ITPR1: variants seen among roughly 807,000 people sequenced by gnomAD.
The protein encoded by ITPR1 is inositol 1,4,5-trisphosphate-gated calcium channel ITPR1.
ITPR1 carries 96 observed loss-of-function variants against 318.4 expected under a neutral mutation model. The observed-to-expected ratio is 0.30, with a 90% confidence interval of 0.26 to 0.36. The LOEUF (loss-of-function observed/expected upper bound fraction) is 0.36. ITPR1 is among the 10% of genes least tolerant of loss of function. The pLI is 1.00. For synonymous variants in ITPR1, 1,312 were observed against 1,289.9 expected (o/e 1.02, Z -0.37); for missense variants, 2,440 against 3,460.2 (o/e 0.71, Z 7.40).
chr3:4,623,293 T>C (rs1012075723), intron 4 of ITPR1, among the ~76,000 whole-genome samples: 2 of 152,208 alleles, frequency 1.3e-5, no homozygotes, highest in African/African-American at 4.8e-5. Context: ...ACCCAGCCCC[T>C]TAACGCCTGC....
intron 2 of ITPR1, 57 bp from the exon 3 acceptor site, chr3:4,516,419 T>G (rs2082173980): frequency 1.1e-6 from 1 of 944,980 alleles, no homozygotes; most frequent in Non-Finnish European, 1.6e-6. Flanking sequence ...AGTGACTTTT[T>G]TCCCCTTCTG....
intron 4 of ITPR1, among the ~76,000 whole-genome samples, chr3:4,610,494 C>T (rs2092004669): frequency 6.6e-6 from 1 of 152,202 alleles, no homozygotes; most frequent in Non-Finnish European, 1.5e-5. Context: ...TAATTCCTTT[C>T]ATGCCAGCTG....
intron 11 of ITPR1, among the ~76,000 whole-genome samples, chr3:4,653,299 C>T (rs935079324): frequency 2.0e-5 from 3 of 152,098 alleles, no homozygotes; most frequent in Non-Finnish European, 2.9e-5. Flanking sequence ...GCTCAGCCCC[C>T]CACGGTGCCT....
chr3:4,615,512 G>A (rs369049728), intron 4 of ITPR1, among the ~76,000 whole-genome samples: 2 of 151,914 alleles, frequency 1.3e-5, no homozygotes, highest in African/African-American at 4.8e-5. Flanking sequence ...GAGTAACTGG[G>A]ATTATAGACA....
chr3:4,784,975 G>A (rs904056717), intron 51 of ITPR1, among the ~76,000 whole-genome samples: 1 of 152,170 alleles, frequency 6.6e-6, no homozygotes, highest in African/African-American at 2.4e-5. Context: ...ACCTAATCTA[G>A]GGAATGCTCA....
At position 4,841,901 on chromosome 3, in the gene ITPR1, G is replaced by A. The variant is rs1312916011; in HGVS notation, c.8191-4238G>A. 3.3e-5 allele frequency among the ~76,000 whole-genome samples: 5 copies of A among 152,186 alleles called. No individual in the cohort carries two copies. In the East Asian group the frequency reaches 9.6e-4, roughly 29 times the overall value. The stretch of plus-strand genomic sequence containing the variant: ...GGTTTGGTTTCATTTCTCAGTATTT[G>A]AGGCTCATCATTCTGAACATGACTG... On this transcript the variant is annotated intron_variant, in intron 61 of 61. Transcript: ENST00000649015.
At chr3:4,593,478 C>T (rs925701371) in intron 4 of ITPR1, among the ~76,000 whole-genome samples, 1 of 152,176 alleles carries the variant, frequency 6.6e-6, no homozygotes, top group Non-Finnish European at 1.5e-5. Flanking sequence ...ATCTGGGTTG[C>T]ATTTTATAGT....
chr3:4,557,042 A>G (rs914537271), intron 4 of ITPR1, among the ~76,000 whole-genome samples: 2 of 152,210 alleles, frequency 1.3e-5, no homozygotes, highest in African/African-American at 2.4e-5. Context: ...ACAGCCCGAT[A>G]TCACCAATTT....
At chr3:4,715,363 T>C (rs1250242020) in intron 39 of ITPR1, among the ~76,000 whole-genome samples, 2 of 152,244 alleles carry the variant, frequency 1.3e-5, no homozygotes, top group Admixed American at 6.5e-5. Flanking sequence ...ACATCTAGTC[T>C]TCAGCTCATT....
At position 4,783,809 on chromosome 3, in the gene ITPR1, A is replaced by G. The variant is rs537619023; in HGVS notation, c.6511-7A>G. 14 of 1,592,286 alleles carry G rather than the reference A, an allele frequency of 8.8e-6. No homozygotes were observed. The Admixed American group carries it at 1.4e-4, about 16-fold the overall frequency. ...CAACCTCCTGTATCTCTGTCCCTGT[A>G]TTCTAGTTGGCTCGGCATAACAAAG... On this transcript the variant is annotated splice_region_variant and splice_polypyrimidine_tract_variant and intron_variant, in intron 50 of 61. Transcript: ENST00000649015.
chr3:4,752,276 A>G (rs746606219), intron 44 of ITPR1, among the ~76,000 whole-genome samples: 4 of 152,208 alleles, frequency 2.6e-5, no homozygotes, highest in African/African-American at 9.6e-5. Context: ...GCTTGTAGCT[A>G]TCAAGTCTGG....
intron 53 of ITPR1, among the ~76,000 whole-genome samples, chr3:4,796,774 T>A (rs2047926052): frequency 6.6e-6 from 1 of 152,126 alleles, no homozygotes; most frequent in Non-Finnish European, 1.5e-5. Context: ...CTGCCGCCCA[T>A]TTGCCAAGCC....
At chr3:4,748,427 G>A (rs1040863922) in intron 44 of ITPR1, among the ~76,000 whole-genome samples, 1 of 127,432 alleles carries the variant, frequency 7.8e-6, no homozygotes, top group African/African-American at 2.8e-5. Flanking sequence ...CCTTTAAAAT[G>A]GAGTGGAATG....
At chr3:4,683,856 G>A in intron 28 of ITPR1, 58 bp downstream of exon 28, 3 of 1,470,364 alleles carry the variant, frequency 2.0e-6, no homozygotes, top group Non-Finnish European at 2.8e-6. Flanking sequence ...CGAAACTAGG[G>A]AGCATCCTCT....
At chr3:4,721,612 C>A (rs1280972842) in intron 40 of ITPR1, among the ~76,000 whole-genome samples, 1 of 152,074 alleles carries the variant, frequency 6.6e-6, no homozygotes, top group African/African-American at 2.4e-5. Flanking sequence ...AAGACTGATT[C>A]GAGCGGCTGG....
rs569190984 is a variant in ITPR1 at position 4,617,467 on chromosome 3, A to G, written c.164-10296A>G. ...CAAGAGAGAGACCTGCCCAACCCCAAAAGCTCTTGTGTTGAGGCATTAAGC... is the reference window on the plus strand; with the variant it reads ...CAAGAGAGAGACCTGCCCAACCCCAGAAGCTCTTGTGTTGAGGCATTAAGC... On this transcript the variant is annotated intron_variant, in intron 4 of 61. Coordinates refer to ENST00000649015, the MANE Select transcript of ITPR1 (RefSeq NM_001378452.1). 9.2e-5 allele frequency among the ~76,000 whole-genome samples: 14 copies of G among 152,252 alleles called. No individual in the cohort carries two copies. The South Asian group carries it at 1.9e-3, about 20-fold the overall frequency.
Position 4,735,159 on chromosome 3 carries a change from C to G in ITPR1, c.5354-5C>G, listed in dbSNP as rs1418465203. The G allele has an allele frequency of 6.2e-7, 1 of 1,610,902 alleles. No homozygotes were observed. Among genetic ancestry groups the G allele is most frequent in the South Asian group, 1.1e-5 (1 of 90,952 alleles). ...CTTAGTAAAAACAATATTCCATCTT[C>G]TTAGGGGGAGGTTCCGGATCCAGCT... On this transcript the variant is annotated splice_polypyrimidine_tract_variant and splice_region_variant and intron_variant, in intron 43 of 61. Transcript: ENST00000649015.
intron 4 of ITPR1, among the ~76,000 whole-genome samples, chr3:4,544,358 T>C (rs2084760630): frequency 6.6e-6 from 1 of 152,230 alleles, no homozygotes; most frequent in South Asian, 2.1e-4. Flanking sequence ...GTACAGGTAA[T>C]GTAACTATCC....
At chr3:4,680,406 G>T (rs1271311957) in intron 24 of ITPR1, 147 bp from the exon 25 acceptor site, 2 of 680,082 alleles carry the variant, frequency 2.9e-6, no homozygotes, top group East Asian at 5.2e-5. Context: ...AATGACTGTT[G>T]AAATCTAAGC....
Sources: allele counts gnomAD v4.1 joint callset (sites outside exome capture counted in the v4.1 genomes callset), GRCh38; gene constraint gnomAD v4.1.1; transcripts MANE v1.5; gene names NCBI Gene and HGNC (gene_info 2026-07-23, HGNC 2026-07-21).